The following FRMPD4 variants were observed in gnomAD, a reference collection of about 807,000 sequenced individuals.
FRMPD4 encodes FERM and PDZ domain containing 4.
Under a neutral mutation model 94.1 loss-of-function variants are expected in FRMPD4, and 22 were observed. That is an observed-to-expected ratio of 0.23 (90% CI 0.17 to 0.33). The LOEUF is 0.33. FRMPD4 is among the 10% of genes least tolerant of loss of function. The probability of loss-of-function intolerance (pLI) is 1.00; values close to 1 mark genes in which losing one functional copy is unlikely to be tolerated. For synonymous variants in FRMPD4, 631 were observed against 548.6 expected, an observed-to-expected ratio of 1.15 and a Z score of -2.10; for missense variants, 1,111 against 1,339.9, an observed-to-expected ratio of 0.83 and a Z score of 2.67.
chrX:12,428,165 C>T (rs1321415448), intron 1 of FRMPD4, among the ~76,000 whole-genome samples: 1 of 109,803 alleles, frequency 9.1e-6, no homozygotes, highest in African/African-American at 3.3e-5. Flanking sequence ...CCCACCTCGG[C>T]CTCCCCATTT....
At chrX:12,519,925 G>T (rs779835740) in intron 2 of FRMPD4, among the ~76,000 whole-genome samples, 22 of 112,029 alleles carry the variant, frequency 2.0e-4, no homozygotes, top group Non-Finnish European at 1.9e-4. Flanking sequence ...TGGAGAAATT[G>T]GAACCCTTAT....
intron 1 of FRMPD4, among the ~76,000 whole-genome samples, chrX:12,152,204 G>A (rs1214382476): frequency 8.9e-6 from 1 of 111,732 alleles, no homozygotes; most frequent in African/African-American, 3.2e-5. Flanking sequence ...TCCCTCTGAA[G>A]TTAATTATAT....
At chrX:12,167,667 A>G (rs2056144062) in intron 1 of FRMPD4, among the ~76,000 whole-genome samples, 3 of 111,794 alleles carry the variant, frequency 2.7e-5, no homozygotes, top group Non-Finnish European at 5.6e-5. Flanking sequence ...TGCTTGGGAA[A>G]TAATCCAAGG....
chrX:11,961,088 A>T (rs2054281210), intron 3 of FRMPD4, among the ~76,000 whole-genome samples: 1 of 111,733 alleles, frequency 8.9e-6, no homozygotes, highest in Non-Finnish European at 1.9e-5. Context: ...TTGATCGTAC[A>T]AATTTCTATA....
chrX:12,637,495 T>C (rs1477852110), intron 4 of FRMPD4, among the ~76,000 whole-genome samples: 1 of 111,267 alleles, frequency 9.0e-6, no homozygotes, highest in Non-Finnish European at 1.9e-5. Flanking sequence ...CAAAGTGATA[T>C]CCTGTCTCCA....
intron 3 of FRMPD4, among the ~76,000 whole-genome samples, chrX:12,083,121 C>G (rs984761151): frequency 8.9e-6 from 1 of 112,624 alleles, no homozygotes; most frequent in Non-Finnish European, 1.9e-5. Flanking sequence ...ATGTGAGAGA[C>G]CTTCATGGCA....
At chrX:12,225,701 G>T (rs755540634) in intron 1 of FRMPD4, among the ~76,000 whole-genome samples, 2 of 112,211 alleles carry the variant, frequency 1.8e-5, no homozygotes, top group South Asian at 7.4e-4. Flanking sequence ...ACATTGTAAT[G>T]GGTAGAATTT....
At chrX:12,696,586 C>CAAAAAAAAAAAAAAAAAAA (rs57877846) in intron 9 of FRMPD4, among the ~76,000 whole-genome samples, 9 of 30,063 alleles carry the variant, frequency 3.0e-4, no homozygotes, top group African/African-American at 5.3e-4. Context: ...AAAAATGAAG[C>CAAAAAAAAAAAAAAAAAAA]AAAAAAAAAA....
chrX:12,123,609 A>C (rs1372020040), intron 3 of FRMPD4, among the ~76,000 whole-genome samples: 4 of 111,708 alleles, frequency 3.6e-5, no homozygotes, highest in African/African-American at 1.3e-4. Flanking sequence ...AAGTTTCTCA[A>C]CCTCAACACT....
At chrX:12,548,247 T>C (rs984875580) in intron 2 of FRMPD4, among the ~76,000 whole-genome samples, 18 of 111,944 alleles carry the variant, frequency 1.6e-4, no homozygotes, top group African/African-American at 5.2e-4. Flanking sequence ...CTGGGCATTA[T>C]AGGAAAGGGG....
At chrX:12,615,458 C>G (rs999572995) in intron 4 of FRMPD4, among the ~76,000 whole-genome samples, 2 of 111,613 alleles carry the variant, frequency 1.8e-5, no homozygotes, top group African/African-American at 6.5e-5. Context: ...TAATGGGGCA[C>G]CAGAAAATGT....
chrX:12,149,162 G>A (rs1363200036), intron 1 of FRMPD4: 1 of 111,874 alleles, frequency 8.9e-6, no homozygotes, highest in Non-Finnish European at 1.9e-5. Context: ...TCAATTGATT[G>A]TTCACAGTCA....
chrX:12,362,184 T>TG (rs1180716341), intron 1 of FRMPD4, among the ~76,000 whole-genome samples: 1 of 110,525 alleles, frequency 9.0e-6, no homozygotes, highest in Non-Finnish European at 1.9e-5. Context: ...GATTCTTTTT[T>TG]TTTTTTAGTT....
intron 3 of FRMPD4, among the ~76,000 whole-genome samples, chrX:11,935,077 TTTTTTTTTTTTTTTTTTTAAA>T (rs1569128947): frequency 1.2e-5 from 1 of 85,956 alleles, no homozygotes; most frequent in Admixed American, 1.3e-4. Context: ...TGGTGATTTT[TTTTTTTTTTTTTTTTTTTAAA>T]TTTAACAGCT....
intron 3 of FRMPD4, among the ~76,000 whole-genome samples, chrX:11,881,428 AAACT>A (rs1194635426): frequency 1.8e-5 from 2 of 112,643 alleles, no homozygotes; most frequent in African/African-American, 6.5e-5. Flanking sequence ...ATGAATAAAC[AAACT>A]ATGTTAAATC....
intron 1 of FRMPD4, among the ~76,000 whole-genome samples, chrX:12,273,817 G>T (rs6640953): frequency 8.9e-6 from 1 of 111,963 alleles, no homozygotes; most frequent in East Asian, 2.8e-4. Context: ...TTTCATCTCT[G>T]GGTATCAAAA....
At chrX:11,914,291 C>CTTTTTTTTTT (rs57258573) in intron 3 of FRMPD4, among the ~76,000 whole-genome samples, 1 of 89,219 alleles carries the variant, frequency 1.1e-5, no homozygotes. Flanking sequence ...ACTTTTTTTT[C>CTTTTTTTTTT]TTTTTTTTTT....
intron 4 of FRMPD4, among the ~76,000 whole-genome samples, chrX:12,667,035 A>G (rs755033665): frequency 1.6e-4 from 18 of 112,655 alleles, no homozygotes; most frequent in Non-Finnish European, 2.8e-4. Context: ...CTATGAAGTG[A>G]GAGTTCAACA....
chrX:12,537,663 G>A (rs1407331072), intron 2 of FRMPD4, among the ~76,000 whole-genome samples: 2 of 107,918 alleles, frequency 1.9e-5, no homozygotes, highest in Non-Finnish European at 3.8e-5. Flanking sequence ...TGTTGCCCAG[G>A]CTGGTCTTGA....
Sources: gnomAD v4.1 joint callset for allele counts (sites outside exome capture counted in the v4.1 genomes callset) on GRCh38, gnomAD v4.1.1 for gene constraint, MANE v1.5 for transcripts, NCBI Gene and HGNC (gene_info 2026-07-23, HGNC 2026-07-21) for gene names.